ARHGAP18: variants seen among roughly 807,000 people sequenced by gnomAD.
ARHGAP18 encodes the protein Rho GTPase activating protein 18.
ARHGAP18 carries 67 observed loss-of-function variants against 86.2 expected under a neutral mutation model. The ratio of observed to expected loss-of-function variants is 0.78; its 90% confidence interval spans 0.64 to 0.95. The LOEUF is 0.95. Among genes scored for constraint, ARHGAP18 ranks in the 40% least tolerant of loss-of-function variants. The probability of loss-of-function intolerance (pLI) is 0.00; values close to 1 mark genes in which losing one functional copy is unlikely to be tolerated. For missense variants in ARHGAP18, 691 were observed against 780.4 expected (o/e 0.89, Z 1.37); for synonymous variants, 283 against 280.4 (o/e 1.01, Z -0.09).
At chr6:129,685,779 A>T (rs1310790647) in intron 1 of ARHGAP18, among the ~76,000 whole-genome samples, 3 of 119,930 alleles carry the variant, frequency 2.5e-5, no homozygotes, top group Non-Finnish European at 3.6e-5. Context: ...ACTTCCTCTT[A>T]TTTTCCCCTC....
At chr6:129,685,357 A>C (rs547785340) in intron 1 of ARHGAP18, among the ~76,000 whole-genome samples, 1 of 143,384 alleles carries the variant, frequency 7.0e-6, no homozygotes, top group African/African-American at 2.7e-5. Context: ...AAATGCAAAA[A>C]TTAGCCAGGC....
intron 14 of ARHGAP18, 146 bp downstream of exon 14, chr6:129,579,924 T>C: frequency 1.4e-6 from 1 of 725,430 alleles, no homozygotes. Flanking sequence ...GTCAAACCAT[T>C]AAAGAAATCC....
rs561618974 is a variant in ARHGAP18, at chr6:129,595,302, T to G, written c.1713+3914A>C. On this transcript the variant is annotated intron_variant, in intron 12 of 14. Coordinates refer to ENST00000368149, the MANE Select transcript of ARHGAP18 (RefSeq NM_033515.3). ...AATCTCTTCAATGTCAAGATACACA[T>G]TTGTACACTTTCATGGTATTTCGCT... Among the ~76,000 whole-genome samples, 22 of 152,292 alleles carry G rather than the reference T, an allele frequency of 1.4e-4. No individual in the cohort carries two copies. In the South Asian group the frequency reaches 3.5e-3, roughly 24 times the overall value.
chr6:129,669,858 G>A (rs1188650224), intron 1 of ARHGAP18, among the ~76,000 whole-genome samples: 1 of 151,912 alleles, frequency 6.6e-6, no homozygotes, highest in Non-Finnish European at 1.5e-5. Flanking sequence ...CTATATTCAA[G>A]CAATGGTTTT....
At chr6:129,694,576 C>G (rs569497064) in intron 1 of ARHGAP18, among the ~76,000 whole-genome samples, 1 of 152,298 alleles carries the variant, frequency 6.6e-6, no homozygotes, top group South Asian at 2.1e-4. Flanking sequence ...CACAACAAAA[C>G]TCCCATGTCG....
intron 5 of ARHGAP18, among the ~76,000 whole-genome samples, chr6:129,622,862 G>C (rs1403166260): frequency 6.6e-6 from 1 of 151,822 alleles, no homozygotes; most frequent in Non-Finnish European, 1.5e-5. Context: ...CTAGCCGGGC[G>C]TGGTGGCAGG....
At chr6:129,642,645 A>C (rs1333891212) in intron 1 of ARHGAP18, among the ~76,000 whole-genome samples, 2 of 152,144 alleles carry the variant, frequency 1.3e-5, no homozygotes, top group Non-Finnish European at 2.9e-5. Flanking sequence ...CAACACATTA[A>C]ATCTTGATTA....
intron 10 of ARHGAP18, among the ~76,000 whole-genome samples, chr6:129,602,777 T>G (rs956248779): frequency 1.3e-5 from 2 of 152,252 alleles, no homozygotes; most frequent in South Asian, 4.1e-4. Context: ...CAGGGACCAG[T>G]GTATCTCTTT....
chr6:129,650,744 A>T (rs1008501927), intron 1 of ARHGAP18, among the ~76,000 whole-genome samples: 1 of 152,216 alleles, frequency 6.6e-6, no homozygotes, highest in Admixed American at 6.5e-5. Flanking sequence ...TTTCTCCAGG[A>T]CCCTCTATCT....
Position 129,577,874 on chromosome 6 carries a change from TGATACG to T in ARHGAP18, c.*633_*638del, listed in dbSNP as rs1285185653. 1.3e-5 allele frequency: 2 copies of T among 152,142 alleles called. No homozygotes were observed. The highest frequency in any genetic ancestry group is 4.8e-5 in the African/African-American group (2 of 41,432). The allele number at this position is 152,142 out of a possible 1,614,324, so 9.4% of individuals were successfully genotyped here. On this transcript the variant is annotated 3_prime_UTR_variant, in exon 15 of 15. Transcript: ENST00000368149. ...CTGACAGTCCTATTTTCTTGGTCGC[TGATACG>T]GTTCTGTGAACATAAGTCAGATGAA...
intron 5 of ARHGAP18, among the ~76,000 whole-genome samples, chr6:129,622,931 G>A (rs1789259875): frequency 6.7e-6 from 1 of 149,994 alleles, no homozygotes. Flanking sequence ...AGCCCAGGAG[G>A]TGGATGTTGC....
intron 3 of ARHGAP18, among the ~76,000 whole-genome samples, chr6:129,635,566 C>T (rs1315021537): frequency 1.3e-5 from 2 of 152,272 alleles, no homozygotes; most frequent in East Asian, 1.9e-4. Flanking sequence ...AGCATGTGGT[C>T]GGAATTATTT....
At chr6:129,616,168 C>G in intron 7 of ARHGAP18, 44 bp downstream of exon 7, 2 of 1,428,264 alleles carry the variant, frequency 1.4e-6, no homozygotes, top group Non-Finnish European at 1.9e-6. Context: ...CCACTATTAG[C>G]TTAAGTATGT....
At chr6:129,627,275 A>C (rs1789499344) in intron 5 of ARHGAP18, among the ~76,000 whole-genome samples, 1 of 152,128 alleles carries the variant, frequency 6.6e-6, no homozygotes, top group Non-Finnish European at 1.5e-5. Context: ...GTTGTTCTCA[A>C]AGAAATATCC....
chr6:129,649,231 CTTAT>C (rs1341227793), intron 1 of ARHGAP18, among the ~76,000 whole-genome samples: 1 of 152,152 alleles, frequency 6.6e-6, no homozygotes, highest in Non-Finnish European at 1.5e-5. Context: ...ATGAAATTTA[CTTAT>C]TTCTTTCAGC....
At chr6:129,688,792 C>A (rs1461027133) in intron 1 of ARHGAP18, among the ~76,000 whole-genome samples, 22 of 146,012 alleles carry the variant, frequency 1.5e-4, no homozygotes, top group East Asian at 2.0e-4. Flanking sequence ...AACTCCAAGT[C>A]AAAAAAAAAA....
chr6:129,617,136 T>C (rs975770924), intron 6 of ARHGAP18, among the ~76,000 whole-genome samples: 1 of 152,200 alleles, frequency 6.6e-6, no homozygotes, highest in African/African-American at 2.4e-5. Context: ...ACTTTGTGAT[T>C]GTATATACTT....
chr6:129,656,855 T>C (rs545824526), intron 1 of ARHGAP18, among the ~76,000 whole-genome samples: 4 of 152,212 alleles, frequency 2.6e-5, no homozygotes, highest in Non-Finnish European at 4.4e-5. Flanking sequence ...GTCCTCTTTA[T>C]ATTAATCCCC....
intron 8 of ARHGAP18, 37 bp from the exon 9 acceptor site, chr6:129,608,089 AGCAGC>A: frequency 6.6e-7 from 1 of 1,509,134 alleles, no homozygotes; most frequent in Non-Finnish European, 8.8e-7. Context: ...AAAAAAAAGA[AGCAGC>A]TAGAAGTGCA....
Sources: gnomAD v4.1 joint callset for allele counts (sites outside exome capture counted in the v4.1 genomes callset) on GRCh38, gnomAD v4.1.1 for gene constraint, MANE v1.5 for transcripts, NCBI Gene and HGNC (gene_info 2026-07-23, HGNC 2026-07-21) for gene names.